Variants in KDM7A observed in about 807,000 individuals in gnomAD.
KDM7A encodes the protein lysine demethylase 7A.
In KDM7A, 28 loss-of-function variants were observed where a neutral mutation model predicts 114.8. The ratio of observed to expected loss-of-function variants is 0.24; its 90% CI spans 0.18 to 0.33. The LOEUF (loss-of-function observed/expected upper bound fraction) is 0.33, where lower values mean the gene tolerates loss of function less well. Ranked by LOEUF, KDM7A falls within the 10% of genes least tolerant of loss-of-function variation. The pLI, the probability that KDM7A is intolerant of heterozygous loss-of-function variation, is 1.00. For synonymous variants in KDM7A, 423 were observed against 397.8 expected, an observed-to-expected ratio of 1.06 and a Z score of -0.75; for missense variants, 942 against 1,142.5, an observed-to-expected ratio of 0.82 and a Z score of 2.53.
rs1339701794 is a variant in KDM7A at position 140,159,899 on chromosome 7, GC to G, written c.194+16844del. The stretch of plus-strand genomic sequence containing the variant: ...TCTACTAAGCCTCCTGCTTTGTATA[GC>G]CATTCTCATTTGCTTATTTAAGTTC... On this transcript the variant is annotated intron_variant, in intron 1 of 19. Coordinates refer to ENST00000397560, the MANE Select transcript of KDM7A (RefSeq NM_030647.2). 4.1e-5 allele frequency among the ~76,000 whole-genome samples: 6 copies of G among 145,974 alleles called. No homozygotes were observed. The South Asian group carries it at 8.7e-4, about 21-fold the overall frequency.
At chr7:140,153,227 A>T (rs1349591337) in intron 1 of KDM7A, among the ~76,000 whole-genome samples, 5 of 151,814 alleles carry the variant, frequency 3.3e-5, no homozygotes, top group Non-Finnish European at 7.4e-5. Context: ...GTAGTGCAGG[A>T]CCATAAAAGT....
At chr7:140,163,160 A>T (rs1175748426) in intron 1 of KDM7A, among the ~76,000 whole-genome samples, 1 of 151,436 alleles carries the variant, frequency 6.6e-6, no homozygotes, top group Admixed American at 6.6e-5. Flanking sequence ...ATGCCCGACT[A>T]ATTTTTTGTA....
chr7:140,136,237 T>C (rs892415617), intron 2 of KDM7A, among the ~76,000 whole-genome samples: 2 of 152,240 alleles, frequency 1.3e-5, no homozygotes, highest in Non-Finnish European at 2.9e-5. Context: ...ATGGAGTTGT[T>C]ATAAATGTCA....
At chr7:140,148,161 T>A (rs1794360242) in intron 1 of KDM7A, among the ~76,000 whole-genome samples, 1 of 152,066 alleles carries the variant, frequency 6.6e-6, no homozygotes, top group Admixed American at 6.6e-5. Flanking sequence ...CTTAGTATTT[T>A]TTTCTTCAAT....
Position 140,166,027 on chromosome 7 carries a change from T to C in KDM7A, c.194+10717A>G, listed in dbSNP as rs79981842. 6.4e-3 allele frequency among the ~76,000 whole-genome samples: 973 copies of C among 152,332 alleles called. 8 individuals carry two copies. The highest frequency in any genetic ancestry group is 0.023 in the African/African-American group (945 of 41,582). ...TGTTGTAATGTTCTATTTTATTCAG[T>C]TACTGTTGTTAATCTCTTACTGTGT... On this transcript the variant is annotated intron_variant, in intron 1 of 19. Transcript: ENST00000397560.
intron 3 of KDM7A, among the ~76,000 whole-genome samples, chr7:140,130,707 T>C (rs988432642): frequency 3.3e-5 from 5 of 152,134 alleles, no homozygotes; most frequent in African/African-American, 1.2e-4. Flanking sequence ...TAAAGTCTAA[T>C]GGAACATAGA....
chr7:140,167,157 A>G (rs1794585737), intron 1 of KDM7A, among the ~76,000 whole-genome samples: 1 of 152,214 alleles, frequency 6.6e-6, no homozygotes, highest in Non-Finnish European at 1.5e-5. Flanking sequence ...GAAGGACTCA[A>G]TATTATTAAC....
chr7:140,176,313 G>A lies in KDM7A; in HGVS notation c.194+431C>T, dbSNP rs958032408. Among the ~76,000 whole-genome samples, 7 of 144,678 alleles carry A rather than the reference G, an allele frequency of 4.8e-5. No homozygotes were observed. The highest frequency in any genetic ancestry group is 1.7e-4 in the African/African-American group (7 of 40,644). The allele number at this position is 144,678 out of a possible 152,430, so 94.9% of individuals were successfully genotyped here. ...GCGCGTCGGCCGGCCGGGCAGAGCG[G>A]CGGGGCGGCCGGCGACTCCGGCCGG... On this transcript the variant is annotated intron_variant, in intron 1 of 19. Coordinates refer to ENST00000397560, the MANE Select transcript of KDM7A (RefSeq NM_030647.2). The surrounding 1 kb of genome is among the most constrained non-coding windows in gnomAD (Gnocchi z 4.4).
chr7:140,117,903 CT>C (rs777147932), intron 9 of KDM7A, among the ~76,000 whole-genome samples: 3 of 152,198 alleles, frequency 2.0e-5, no homozygotes, highest in Non-Finnish European at 2.9e-5. Context: ...GATTCTACCC[CT>C]ATCCCATACA....
intron 1 of KDM7A, among the ~76,000 whole-genome samples, chr7:140,154,482 ACT>A (rs991767606): frequency 6.9e-6 from 1 of 145,394 alleles, no homozygotes; most frequent in Non-Finnish European, 1.5e-5. Flanking sequence ...ACAAAGTAAG[ACT>A]CTGTCTCTTA....
intron 1 of KDM7A, among the ~76,000 whole-genome samples, chr7:140,143,675 A>C (rs746907493): frequency 2.0e-4 from 30 of 152,226 alleles, no homozygotes; most frequent in Non-Finnish European, 3.8e-4. Flanking sequence ...CTCACCTGAG[A>C]GAACTCTAGT....
At chr7:140,162,694 A>G (rs1183921245) in intron 1 of KDM7A, among the ~76,000 whole-genome samples, 1 of 152,220 alleles carries the variant, frequency 6.6e-6, no homozygotes, top group African/African-American at 2.4e-5. Flanking sequence ...ACAGATAAAA[A>G]CAATTTCAAA....
chr7:140,107,223 C>T (rs1334605299), intron 11 of KDM7A, among the ~76,000 whole-genome samples: 1 of 152,100 alleles, frequency 6.6e-6, no homozygotes, highest in East Asian at 1.9e-4. Context: ...GACTCTTTAT[C>T]CTATTTGCCG....
intron 11 of KDM7A, among the ~76,000 whole-genome samples, chr7:140,108,913 C>T (rs950870222): frequency 6.6e-6 from 1 of 152,198 alleles, no homozygotes; most frequent in Admixed American, 6.5e-5. Flanking sequence ...CTGTGGTGGG[C>T]TCCACCCAGT....
At position 140,088,098 on chromosome 7, in the gene KDM7A, T is replaced by G. The variant is rs1475664192; in HGVS notation, c.*2996A>C. On this transcript the variant is annotated 3_prime_UTR_variant, in exon 20 of 20. Transcript: ENST00000397560. ...GGATTATTTAAAAATAGAAAAGTAT[T>G]CAAGCTAAGTAATTAGTGATAAAGA... 6.3e-6 allele frequency: 1 copy of G among 158,318 alleles called. No individual in the cohort carries two copies. Among genetic ancestry groups the G allele is most frequent in the African/African-American group, 2.4e-5 (1 of 41,734 alleles). The allele number at this position is 158,318 out of a possible 1,614,324, so 9.8% of individuals were successfully genotyped here. A position where few individuals can be genotyped will look rare whatever the true frequency, so the allele number is the denominator to read the frequency against.
chr7:140,145,812 T>A (rs928379121), intron 1 of KDM7A, among the ~76,000 whole-genome samples: 1 of 152,056 alleles, frequency 6.6e-6, no homozygotes, highest in Non-Finnish European at 1.5e-5. Context: ...AGAAAAAAAA[T>A]GTTTAGATGT....
At chr7:140,174,390 TG>T (rs770817551) in intron 1 of KDM7A, among the ~76,000 whole-genome samples, 37 of 152,104 alleles carry the variant, frequency 2.4e-4, no homozygotes, top group Non-Finnish European at 4.7e-4. Context: ...AGGGCATATT[TG>T]TTTTGGCCTT....
chr7:140,119,095 A>G lies in KDM7A; in HGVS notation c.1246+18T>C, dbSNP rs780992012. ...AATATGCATCATATCATATACAAAC[A>G]TGCAAATTATTAATTACCTTTCAGG... On this transcript the variant is annotated intron_variant, in intron 9 of 19. Transcript: ENST00000397560. The G allele has an allele frequency of 3.5e-6, 5 of 1,447,026 alleles. No homozygotes were observed. Among genetic ancestry groups the G allele is most frequent in the Non-Finnish European group, 1.9e-6 (2 of 1,032,890 alleles). The allele number at this position is 1,447,026 out of a possible 1,614,324, so 89.6% of individuals were successfully genotyped here.
chr7:140,129,419 C>T (rs1818752998), intron 4 of KDM7A, 74 bp downstream of exon 4: 21 of 1,183,716 alleles, frequency 1.8e-5, no homozygotes, highest in Non-Finnish European at 2.5e-5. Flanking sequence ...TTCATTTAAC[C>T]ATTAATATTA....
Sources: allele counts gnomAD v4.1 joint callset (sites outside exome capture counted in the v4.1 genomes callset), GRCh38; gene constraint gnomAD v4.1.1; non-coding constraint Gnocchi (gnomAD v3.1); transcripts MANE v1.5; gene names NCBI Gene and HGNC (gene_info 2026-07-23, HGNC 2026-07-21).